Variants in RAI1 observed in about 807,000 individuals in gnomAD.
RAI1 encodes retinoic acid-induced protein 1.
In RAI1, 9 loss-of-function variants were observed where a neutral mutation model predicts 123.8. The ratio of observed to expected loss-of-function variants is 0.07; its 90% CI spans 0.04 to 0.13. The LOEUF (loss-of-function observed/expected upper bound fraction) is 0.13, where lower values mean the gene tolerates loss of function less well. Ranked by LOEUF, RAI1 falls within the 10% of genes least tolerant of loss-of-function variation. RAI1 has a pLI of 1.00. For missense variants in RAI1, 2,256 were observed against 2,545.8 expected (o/e 0.89, Z 2.45); for synonymous variants, 1,231 against 1,127.3 (o/e 1.09, Z -1.84).
At chr17:17,709,129 CATT>C (rs1165626114) in intron 1 of RAI1, among the ~76,000 whole-genome samples, 4 of 152,124 alleles carry the variant, frequency 2.6e-5, no homozygotes, top group African/African-American at 4.8e-5. Context: ...CGGGGACCAT[CATT>C]ATGACAATGA....
chr17:17,725,360 G>A (rs1916050836), intron 2 of RAI1, among the ~76,000 whole-genome samples: 1 of 152,074 alleles, frequency 6.6e-6, no homozygotes, highest in African/African-American at 2.4e-5. Flanking sequence ...AGCAGACGCT[G>A]CTCCGGTGAC....
At chr17:17,692,681 A>C (rs996135685) in intron 1 of RAI1, among the ~76,000 whole-genome samples, 3 of 152,256 alleles carry the variant, frequency 2.0e-5, no homozygotes, top group South Asian at 2.1e-4. Flanking sequence ...TTGCAGTCAG[A>C]CAGCCATGAG....
At chr17:17,782,663 TAGA>T (rs1317286891) in intron 2 of RAI1, among the ~76,000 whole-genome samples, 3 of 113,950 alleles carry the variant, frequency 2.6e-5, no homozygotes, top group Admixed American at 1.2e-4. Context: ...ACCGAAGCAT[TAGA>T]AGAAGGGATA....
intron 1 of RAI1, among the ~76,000 whole-genome samples, chr17:17,686,600 T>TGC (rs1262584854): frequency 2.1e-5 from 3 of 146,124 alleles, no homozygotes; most frequent in African/African-American, 7.9e-5. Flanking sequence ...TGTGTGTGTG[T>TGC]GTGTGTGTGC....
intron 1 of RAI1, among the ~76,000 whole-genome samples, chr17:17,695,246 G>A (rs1049106427): frequency 6.6e-6 from 1 of 152,172 alleles, no homozygotes; most frequent in Admixed American, 6.5e-5. Context: ...GGAGAAAGAA[G>A]GGGGCCGGGA....
chr17:17,736,079 A>G (rs1238717962), intron 2 of RAI1, among the ~76,000 whole-genome samples: 2 of 152,078 alleles, frequency 1.3e-5, no homozygotes, highest in Non-Finnish European at 2.9e-5. Flanking sequence ...GTGGATATCC[A>G]TGTTGTGAGT....
chr17:17,798,772 T>TC (rs1360739512), intron 3 of RAI1, among the ~76,000 whole-genome samples: 1 of 152,028 alleles, frequency 6.6e-6, no homozygotes, highest in Non-Finnish European at 1.5e-5. Context: ...ACCGCCACTC[T>TC]CCCACTCACC....
At chr17:17,720,313 A>C (rs1448219338) in intron 1 of RAI1, among the ~76,000 whole-genome samples, 1 of 152,192 alleles carries the variant, frequency 6.6e-6, no homozygotes, top group African/African-American at 2.4e-5. Flanking sequence ...CCTCACCAGG[A>C]AGGACTGGGC....
intron 3 of RAI1, among the ~76,000 whole-genome samples, chr17:17,803,458 G>A (rs1393383436): frequency 6.6e-6 from 1 of 151,954 alleles, no homozygotes; most frequent in Admixed American, 6.6e-5. Flanking sequence ...AGGCAGTGGC[G>A]TCATCTCGGC....
rs4924818 is a variant in RAI1 at position 17,800,048 on chromosome 17, C to T, written c.5565+1535C>T. 0.01 allele frequency among the ~76,000 whole-genome samples: 1,548 copies of T among 152,286 alleles called. 24 individuals are homozygous for T. The highest frequency in any genetic ancestry group is 0.033 in the African/African-American group (1,387 of 41,566). ...ACCCTCCACCTCAGAGGAAGGCTGGCCCCGACAGGACTCCTGCAGGTTCCT... is the reference window on the plus strand; with the variant it reads ...ACCCTCCACCTCAGAGGAAGGCTGGTCCCGACAGGACTCCTGCAGGTTCCT... On this transcript the variant is annotated intron_variant, in intron 3 of 5. Transcript: ENST00000353383. This position sits in a 1 kb window ranked among gnomAD's most constrained non-coding sequence, Gnocchi z 4.7.
intron 2 of RAI1, among the ~76,000 whole-genome samples, chr17:17,725,971 T>C (rs4925105): frequency 0.49 from 74,947 of 151,912 alleles, 19,461 homozygotes; most frequent in African/African-American, 0.6. Flanking sequence ...CAGGGAAACA[T>C]TGTTGGACCC....
rs529125465 is a variant in RAI1, at chr17:17,799,219, C to T, written c.5565+706C>T. 1.0e-3 allele frequency among the ~76,000 whole-genome samples: 156 copies of T among 152,328 alleles called. No homozygotes were observed. The highest frequency in any genetic ancestry group is 3.7e-3 in the African/African-American group (152 of 41,556). ...CTGTGACCTGCCCTCTCTGTGCCTC[C>T]GTCCCCTCGCCCCTAACGTGGGTAT... is the stretch of plus-strand genomic sequence containing the variant. On this transcript the variant is annotated intron_variant, in intron 3 of 5. Coordinates refer to ENST00000353383, the MANE Select transcript of RAI1 (RefSeq NM_030665.4). The surrounding 1 kb of genome is among the most constrained non-coding windows in gnomAD (Gnocchi z 4.5).
chr17:17,693,900 T>G (rs900636659), intron 1 of RAI1, among the ~76,000 whole-genome samples: 1 of 152,128 alleles, frequency 6.6e-6, no homozygotes, highest in East Asian at 1.9e-4. Context: ...TGGACAGGCA[T>G]CTGGAGTCAC....
chr17:17,775,792 A>C (rs2031326415), intron 2 of RAI1, among the ~76,000 whole-genome samples: 1 of 152,148 alleles, frequency 6.6e-6, no homozygotes, highest in African/African-American at 2.4e-5. Context: ...ACTCGGTGTA[A>C]CCTTTTGAAA....
chr17:17,731,101 C>T (rs1298941938), intron 2 of RAI1, among the ~76,000 whole-genome samples: 1 of 152,204 alleles, frequency 6.6e-6, no homozygotes, highest in African/African-American at 2.4e-5. Context: ...CCTTGGTAGC[C>T]CTCCTAGAGG....
intron 4 of RAI1, among the ~76,000 whole-genome samples, chr17:17,804,701 C>T (rs1037956162): frequency 6.6e-6 from 1 of 152,042 alleles, no homozygotes; most frequent in African/African-American, 2.4e-5. Flanking sequence ...GCTCTGTCAC[C>T]CAAGCTAGAG....
intron 2 of RAI1, among the ~76,000 whole-genome samples, chr17:17,753,866 G>A (rs926035126): frequency 1.3e-5 from 2 of 152,212 alleles, no homozygotes; most frequent in African/African-American, 4.8e-5. Flanking sequence ...TAGACTGGAG[G>A]AACTGTGGAT....
At position 17,681,740 on chromosome 17, in the gene RAI1, G is replaced by A. The variant is rs866518865; in HGVS notation, c.-202G>A. 21 of 328,184 alleles carry A rather than the reference G, an allele frequency of 6.4e-5. No individual in the cohort carries two copies. The highest frequency in any genetic ancestry group is 4.4e-4 in the African/African-American group (20 of 45,652). 20.3% of individuals were successfully genotyped at this position (328,184 alleles called of 1,614,324 possible). ...CCCCCATGGCCACCCAGGCCTCCGGGCCGCGAAGTCGCAGCGCCAGACCCA... is the reference window on the plus strand; with the variant it reads ...CCCCCATGGCCACCCAGGCCTCCGGACCGCGAAGTCGCAGCGCCAGACCCA... On this transcript the variant is annotated 5_prime_UTR_variant, in exon 1 of 6. Coordinates refer to ENST00000353383, the MANE Select transcript of RAI1 (RefSeq NM_030665.4).
At chr17:17,683,926 T>C (rs1272618748) in intron 1 of RAI1, 2 of 152,236 alleles carry the variant, frequency 1.3e-5, no homozygotes, top group African/African-American at 2.4e-5. Context: ...CAGGCTGGAG[T>C]GCCTTGGCAC....
Sources: gnomAD v4.1 joint callset for allele counts (sites outside exome capture counted in the v4.1 genomes callset) on GRCh38, gnomAD v4.1.1 for gene constraint, Gnocchi (gnomAD v3.1) non-coding constraint, MANE v1.5 for transcripts, NCBI Gene and HGNC (gene_info 2026-07-23, HGNC 2026-07-21) for gene names.